RSRC1: variants seen among roughly 807,000 people sequenced by gnomAD.
The protein encoded by RSRC1 is arginine and serine rich coiled-coil 1.
In RSRC1, 39 loss-of-function variants were observed where a neutral mutation model predicts 49.1. The observed-to-expected ratio is 0.79, with a 90% CI of 0.61 to 1.04. RSRC1 has a LOEUF of 1.04. RSRC1 is among the 50% of genes least tolerant of loss of function. The pLI is 0.00. For synonymous variants in RSRC1, 143 were observed against 130.8 expected (o/e 1.09, Z -0.63); for missense variants, 388 against 402.4 (o/e 0.96, Z 0.31).
intron 4 of RSRC1, among the ~76,000 whole-genome samples, chr3:158,271,166 T>G (rs1003123329): frequency 2.0e-5 from 3 of 152,152 alleles, no homozygotes; most frequent in Non-Finnish European, 4.4e-5. Flanking sequence ...TAGAAGGACT[T>G]TAAGTCCTTC....
chr3:158,246,705 GC>G (rs1436043463), intron 4 of RSRC1, among the ~76,000 whole-genome samples: 2 of 152,088 alleles, frequency 1.3e-5, no homozygotes, highest in Non-Finnish European at 2.9e-5. Context: ...GTTGAATGTT[GC>G]CCCCCTATCT....
chr3:158,445,216 G>A (rs917930272), intron 6 of RSRC1, among the ~76,000 whole-genome samples: 2 of 152,086 alleles, frequency 1.3e-5, no homozygotes, highest in Admixed American at 1.3e-4. Context: ...TATGTTTATT[G>A]CGGCACTATT....
intron 6 of RSRC1, among the ~76,000 whole-genome samples, chr3:158,426,997 T>C (rs1307107801): frequency 2.0e-5 from 3 of 151,796 alleles, no homozygotes; most frequent in Non-Finnish European, 4.4e-5. Flanking sequence ...AAAGAGATAC[T>C]TTATTAGCAT....
intron 4 of RSRC1, among the ~76,000 whole-genome samples, chr3:158,236,447 G>C (rs930207879): frequency 2.6e-5 from 4 of 152,270 alleles, no homozygotes; most frequent in South Asian, 2.1e-4. Context: ...TTAAAAGTTT[G>C]TTTGTGCTTT....
chr3:158,444,265 A>G (rs774057482), intron 6 of RSRC1, among the ~76,000 whole-genome samples: 2 of 152,096 alleles, frequency 1.3e-5, no homozygotes, highest in Non-Finnish European at 2.9e-5. Flanking sequence ...CTATACTACA[A>G]CGCTACAGTA....
At chr3:158,254,886 A>G (rs1184807523) in intron 4 of RSRC1, among the ~76,000 whole-genome samples, 2 of 151,944 alleles carry the variant, frequency 1.3e-5, no homozygotes, top group African/African-American at 2.4e-5. Context: ...GTGTCTATTC[A>G]TATCCTCTAC....
chr3:158,347,669 C>T (rs540910823), intron 5 of RSRC1, among the ~76,000 whole-genome samples: 1 of 152,212 alleles, frequency 6.6e-6, no homozygotes, highest in South Asian at 2.1e-4. Flanking sequence ...CCTCTGCCTC[C>T]CAAATACTTG....
At chr3:158,307,317 G>A (rs569361102) in intron 5 of RSRC1, among the ~76,000 whole-genome samples, 2 of 151,738 alleles carry the variant, frequency 1.3e-5, no homozygotes, top group African/African-American at 4.8e-5. Flanking sequence ...TAAAGTAAAG[G>A]GTATAAACTG....
intron 7 of RSRC1, among the ~76,000 whole-genome samples, chr3:158,462,188 G>T (rs767392068): frequency 2.6e-5 from 4 of 151,808 alleles, no homozygotes; most frequent in Non-Finnish European, 5.9e-5. Context: ...ATGAATTTCA[G>T]TAGCAAGATT....
At chr3:158,344,717 C>T (rs2108220808) in intron 5 of RSRC1, among the ~76,000 whole-genome samples, 1 of 152,224 alleles carries the variant, frequency 6.6e-6, no homozygotes, top group East Asian at 1.9e-4. Context: ...ATAAATATGT[C>T]TCTTTATAAG....
At chr3:158,318,811 A>G (rs530587534) in intron 5 of RSRC1, among the ~76,000 whole-genome samples, 11 of 152,362 alleles carry the variant, frequency 7.2e-5, no homozygotes, top group African/African-American at 2.4e-4. Context: ...CTACCTAAAC[A>G]TGAATACTTC....
At chr3:158,245,638 T>C (rs1365009931) in intron 4 of RSRC1, among the ~76,000 whole-genome samples, 1 of 152,170 alleles carries the variant, frequency 6.6e-6, no homozygotes, top group Non-Finnish European at 1.5e-5. Flanking sequence ...CTCCCATTAT[T>C]GTTGTGTGGG....
intron 5 of RSRC1, among the ~76,000 whole-genome samples, chr3:158,346,708 G>A (rs1730571008): frequency 6.6e-6 from 1 of 152,116 alleles, no homozygotes; most frequent in Non-Finnish European, 1.5e-5. Flanking sequence ...AAATAGCTTG[G>A]TAGTTTCTTA....
At chr3:158,533,620 T>C (rs1366204824) in intron 7 of RSRC1, among the ~76,000 whole-genome samples, 2 of 151,670 alleles carry the variant, frequency 1.3e-5, no homozygotes, top group Non-Finnish European at 3.0e-5. Context: ...AAATAGAGAA[T>C]ATGTTTAGAG....
Position 158,122,092 on chromosome 3 carries a change from T to C in RSRC1, c.-2-11T>C. On this transcript the variant is annotated splice_polypyrimidine_tract_variant and intron_variant, in intron 1 of 9. Coordinates refer to ENST00000611884, the MANE Select transcript of RSRC1 (RefSeq NM_001271838.2). ...TGTTAGAAATAATATTCTTCAAATT[T>C]ATGCTTATAGAAATGGGACGTCGGT... is the stretch of plus-strand genomic sequence containing the variant. 6.8e-7 allele frequency: 1 copy of C among 1,464,522 alleles called. No individual in the cohort carries two copies. The highest frequency in any genetic ancestry group is 1.8e-4 in the Middle Eastern group (1 of 5,490). 90.7% of individuals were successfully genotyped at this position (1,464,522 alleles called of 1,614,324 possible).
intron 7 of RSRC1, among the ~76,000 whole-genome samples, chr3:158,507,299 A>T (rs1253849107): frequency 6.6e-6 from 1 of 152,126 alleles, no homozygotes; most frequent in African/African-American, 2.4e-5. Flanking sequence ...GGAAGAAATA[A>T]GTTTTAGTAT....
chr3:158,522,910 C>T (rs879767866), intron 7 of RSRC1, among the ~76,000 whole-genome samples: 28 of 152,066 alleles, frequency 1.8e-4, no homozygotes, highest in Non-Finnish European at 3.2e-4. Flanking sequence ...AGCCTACACT[C>T]ATTGACCAAA....
At chr3:158,113,493 T>C (rs1022561897) in intron 1 of RSRC1, among the ~76,000 whole-genome samples, 1 of 151,502 alleles carries the variant, frequency 6.6e-6, no homozygotes, top group Non-Finnish European at 1.5e-5. Flanking sequence ...CTCAGCCTCC[T>C]GAGTAGCTGG....
At chr3:158,203,040 T>C (rs749356470) in intron 3 of RSRC1, 32 bp from the exon 4 acceptor site, 8 of 1,540,892 alleles carry the variant, frequency 5.2e-6, no homozygotes, top group Middle Eastern at 3.4e-4. Flanking sequence ...AATTATACAC[T>C]AAGTTTATTT....
Sources: gnomAD v4.1 joint callset for allele counts (sites outside exome capture counted in the v4.1 genomes callset) on GRCh38, gnomAD v4.1.1 for gene constraint, MANE v1.5 for transcripts, NCBI Gene and HGNC (gene_info 2026-07-23, HGNC 2026-07-21) for gene names.